The following SLC27A2 variants were observed in gnomAD, a reference collection of about 807,000 sequenced individuals.
The protein encoded by SLC27A2 is solute carrier family 27 member 2, also known as long-chain fatty acid transport protein 2.
SLC27A2 carries 54 observed loss-of-function variants against 60.0 expected under a neutral mutation model. The ratio of observed to expected loss-of-function variants is 0.90; its 90% confidence interval spans 0.72 to 1.13. The LOEUF (loss-of-function observed/expected upper bound fraction) is 1.13. Ranked by LOEUF, SLC27A2 falls within the 50% of genes most tolerant of loss-of-function variation. The pLI is 0.00. For missense variants in SLC27A2, 739 were observed against 777.6 expected (o/e 0.95, Z 0.59); for synonymous variants, 297 against 297.6 (o/e 1.00, Z 0.02).
chr15:50,184,416 C>A (rs959114221), intron 1 of SLC27A2, among the ~76,000 whole-genome samples: 1 of 152,062 alleles, frequency 6.6e-6, no homozygotes, highest in Non-Finnish European at 1.5e-5. Context: ...GCAAGCTAAG[C>A]GGGTTACAGA....
chr15:50,224,547 ACT>A (rs1416204611), intron 5 of SLC27A2, among the ~76,000 whole-genome samples: 1 of 152,092 alleles, frequency 6.6e-6, no homozygotes, highest in African/African-American at 2.4e-5. Flanking sequence ...GATGATAATC[ACT>A]CTATTTCTTA....
At chr15:50,229,311 T>C (rs2045299913) in intron 8 of SLC27A2, among the ~76,000 whole-genome samples, 1 of 152,230 alleles carries the variant, frequency 6.6e-6, no homozygotes, top group African/African-American at 2.4e-5. Flanking sequence ...CCATGCCACA[T>C]TTGGCACACC....
chr15:50,213,735 CAG>C (rs1307943829), intron 4 of SLC27A2, among the ~76,000 whole-genome samples: 1 of 151,964 alleles, frequency 6.6e-6, no homozygotes, highest in African/African-American at 2.4e-5. Context: ...AAAATCAAGA[CAG>C]AAATGAAAAA....
At chr15:50,184,042 G>A (rs531435878) in intron 1 of SLC27A2, among the ~76,000 whole-genome samples, 7 of 119,028 alleles carry the variant, frequency 5.9e-5, no homozygotes, top group Non-Finnish European at 6.6e-5. Context: ...CCAGGCTGGA[G>A]TGCAGTGGCG....
intron 4 of SLC27A2, among the ~76,000 whole-genome samples, chr15:50,216,766 T>C (rs926580685): frequency 4.6e-4 from 67 of 144,710 alleles, no homozygotes; most frequent in African/African-American, 1.6e-3. Flanking sequence ...ATATATATAT[T>C]CCATAAAAAT....
chr15:50,196,811 A>T (rs2045027380), intron 1 of SLC27A2, among the ~76,000 whole-genome samples: 2 of 152,308 alleles, frequency 1.3e-5, no homozygotes, highest in South Asian at 4.1e-4. Context: ...TTCTCAGATC[A>T]GTTTAACCTT....
chr15:50,194,617 G>A (rs2044999699), intron 1 of SLC27A2, among the ~76,000 whole-genome samples: 1 of 152,114 alleles, frequency 6.6e-6, no homozygotes, highest in African/African-American at 2.4e-5. Context: ...GAAGCAGGAA[G>A]AGACTCAAGG....
intron 5 of SLC27A2, among the ~76,000 whole-genome samples, chr15:50,224,404 C>T (rs2140912021): frequency 6.6e-6 from 1 of 152,270 alleles, no homozygotes; most frequent in South Asian, 2.1e-4. Flanking sequence ...CGCGCCACTG[C>T]ACTCCAGCCT....
At chr15:50,205,111 T>G in intron 3 of SLC27A2, 128 bp from the exon 4 acceptor site, 1 of 1,092,824 alleles carries the variant, frequency 9.2e-7, no homozygotes, top group Non-Finnish European at 1.3e-6. Flanking sequence ...GAATATAAGG[T>G]ACTCAATACT....
intron 4 of SLC27A2, among the ~76,000 whole-genome samples, chr15:50,206,004 T>C (rs1262292800): frequency 6.6e-6 from 1 of 152,140 alleles, no homozygotes; most frequent in Admixed American, 6.5e-5. Flanking sequence ...ATCTGCCCTG[T>C]TTGCAGATGT....
chr15:50,223,570 C>T (rs745903515), intron 5 of SLC27A2, among the ~76,000 whole-genome samples: 2 of 152,198 alleles, frequency 1.3e-5, no homozygotes, highest in Non-Finnish European at 2.9e-5. Context: ...CAAGGACCAA[C>T]CCGCTAGGCT....
intron 8 of SLC27A2, 131 bp downstream of exon 8, chr15:50,229,173 G>A: frequency 1.6e-6 from 1 of 620,298 alleles, no homozygotes; most frequent in Non-Finnish European, 2.9e-6. Context: ...CAGGGAGTAA[G>A]GAGCTTATGT....
chr15:50,189,086 T>C (rs781032933), intron 1 of SLC27A2, among the ~76,000 whole-genome samples: 20 of 152,224 alleles, frequency 1.3e-4, no homozygotes, highest in Non-Finnish European at 2.2e-4. Flanking sequence ...TCTGTTGAAT[T>C]AATGGGTTCC....
chr15:50,229,697 C>G (rs900741302), intron 8 of SLC27A2, among the ~76,000 whole-genome samples: 1 of 152,134 alleles, frequency 6.6e-6, no homozygotes, highest in Non-Finnish European at 1.5e-5. Context: ...TTAATTACAT[C>G]AACGCTAAGC....
chr15:50,203,734 A>G (rs2045084915), intron 3 of SLC27A2, among the ~76,000 whole-genome samples: 1 of 152,062 alleles, frequency 6.6e-6, no homozygotes, highest in South Asian at 2.1e-4. Context: ...CCCCAATATG[A>G]TGGTATTAGC....
Position 50,219,671 on chromosome 15 carries a change from AC to A in SLC27A2, c.973-3293del, listed in dbSNP as rs575333859. On this transcript the variant is annotated intron_variant, in intron 4 of 9. Coordinates refer to ENST00000267842, the MANE Select transcript of SLC27A2 (RefSeq NM_003645.4). ...TCCTCAATTGTAATATGAGGCAAAT[AC>A]TTTTATTAGCTATCACCTTTCATAG... Among the ~76,000 whole-genome samples the A allele has an allele frequency of 6.4e-4, 98 of 152,274 alleles. 1 individual carries two copies. In the East Asian group the frequency reaches 0.017, roughly 26 times the overall value.
intron 1 of SLC27A2, among the ~76,000 whole-genome samples, chr15:50,188,963 G>A (rs1452371449): frequency 6.9e-6 from 1 of 144,606 alleles, no homozygotes; most frequent in African/African-American, 2.6e-5. Context: ...GTCTAGATAG[G>A]TAGATAGATA....
chr15:50,193,215 ACTT>A (rs962557954), intron 1 of SLC27A2, among the ~76,000 whole-genome samples: 2 of 152,242 alleles, frequency 1.3e-5, no homozygotes, highest in African/African-American at 4.8e-5. Context: ...TTTACAGGGC[ACTT>A]CTTCTAGGTC....
At chr15:50,216,144 C>T (rs1464439904) in intron 4 of SLC27A2, among the ~76,000 whole-genome samples, 1 of 152,102 alleles carries the variant, frequency 6.6e-6, no homozygotes, top group Non-Finnish European at 1.5e-5. Flanking sequence ...AAAAAGTGGG[C>T]TAAGGACATG....
Sources: allele counts gnomAD v4.1 joint callset (sites outside exome capture counted in the v4.1 genomes callset), GRCh38; gene constraint gnomAD v4.1.1; transcripts MANE v1.5; gene names NCBI Gene and HGNC (gene_info 2026-07-23, HGNC 2026-07-21).